The following POLE variants were observed in gnomAD, a reference collection of about 807,000 sequenced individuals.
The protein encoded by POLE is DNA polymerase epsilon, catalytic subunit, also known as DNA polymerase epsilon catalytic subunit A.
Under a neutral mutation model 279.2 loss-of-function variants are expected in POLE, and 188 were observed. That is an observed-to-expected ratio of 0.67 (90% CI 0.60 to 0.76). The LOEUF (loss-of-function observed/expected upper bound fraction) is 0.76. Among genes scored for constraint, POLE ranks in the 30% least tolerant of loss-of-function variants. The pLI, the probability that POLE is intolerant of heterozygous loss-of-function variation, is 0.00. For synonymous variants in POLE, 1,214 were observed against 1,172.5 expected (o/e 1.04, Z -0.72); for missense variants, 2,703 against 3,016.7 (o/e 0.90, Z 2.44).
Position 132,625,415 on chromosome 12 carries a change from TTCC to T in POLE, c.6657+227_6657+229del, listed in dbSNP as rs751014922. 7.9e-4 allele frequency: 602 copies of T among 757,524 alleles called. 1 individual carries two copies. The highest frequency in any genetic ancestry group is 1.3e-3 in the Non-Finnish European group (545 of 414,558). The allele number at this position is 757,524 out of a possible 1,614,324, so 46.9% of individuals were successfully genotyped here. On this transcript the variant is annotated intron_variant, in intron 47 of 48. Coordinates refer to ENST00000320574, the MANE Select transcript of POLE (RefSeq NM_006231.4). ...TTCACACTTGGGAGTGTCTGCCTCC[TTCC>T]GCTAGAACGAAGCACCCACAAGGCC...
chr12:132,637,907 C>T (rs1050584786), intron 41 of POLE, 107 bp downstream of exon 41: 38 of 1,329,000 alleles, frequency 2.9e-5, no homozygotes, highest in Non-Finnish European at 4.0e-5. Flanking sequence ...TCCTGCACTT[C>T]TAACGACCTC....
Position 132,642,630 on chromosome 12 carries a change from G to T in POLE, c.4828C>A (p.Pro1610Thr), listed in dbSNP as rs746333644. 5.0e-6 allele frequency: 8 copies of T among 1,613,276 alleles called. No individual in the cohort carries two copies. The highest frequency in any genetic ancestry group is 5.9e-6 in the Non-Finnish European group (7 of 1,180,012). Reference protein sequence around the residue: ...IPVLEEFPLVPICVADKINYG... With the variant: ...IPVLEEFPLVTICVADKINYG... ...TTGATCTTGTCAGCCACACAGATAG[G>T]CACCAGTGGGAATTCCTCCAAGACA... is the stretch of plus-strand genomic sequence containing the variant. Residue 1610 changes from proline to threonine, a missense_variant, in exon 37 of 49, where the codon CCT (proline) becomes ACT (threonine). Physicochemically the swap from Pro to Thr is conservative, Grantham distance 38. Coordinates refer to ENST00000320574, the MANE Select transcript of POLE (RefSeq NM_006231.4).
intron 1 of POLE, among the ~76,000 whole-genome samples, chr12:132,685,079 CATT>C (rs2043230937): frequency 1.1e-5 from 1 of 90,950 alleles, no homozygotes; most frequent in African/African-American, 3.6e-5. Flanking sequence ...ACAGAGCTAC[CATT>C]GACTGGTTAC....
chr12:132,669,194 G>C (rs561597913), intron 16 of POLE, among the ~76,000 whole-genome samples: 2 of 152,314 alleles, frequency 1.3e-5, no homozygotes, highest in Non-Finnish European at 2.9e-5. Context: ...GCCAGGTGCA[G>C]TGGTTCATGC....
In POLE at chr12:132,639,725, G is replaced by T. The variant is rs1480264288; in HGVS notation, c.5379-427C>A. Among the ~76,000 whole-genome samples the T allele has an allele frequency of 1.3e-5, 2 of 151,020 alleles. No individual in the cohort carries two copies. Among genetic ancestry groups the T allele is most frequent in the Admixed American group, 1.3e-4 (2 of 15,230 alleles). Reference sequence around the variant, plus strand: ...CCACCACTTTGGGAGGCCGAGGCAGGTGGATCACCTGAGGTCAAGAGTTTG... The same window carrying T: ...CCACCACTTTGGGAGGCCGAGGCAGTTGGATCACCTGAGGTCAAGAGTTTG... On this transcript the variant is annotated intron_variant, in intron 39 of 48. Transcript: ENST00000320574. This position sits in a 1 kb window ranked among gnomAD's most constrained non-coding sequence, Gnocchi z 4.7.
chr12:132,643,958 C>A lies in POLE; in HGVS notation c.4169G>T (p.Arg1390Leu), dbSNP rs200776293. The change falls in exon 33 of 49, where the codon CGC becomes CTC. Residue 1390 changes from arginine to leucine, a missense_variant. Physicochemically the swap from Arg to Leu is moderately radical, Grantham distance 102. Around this residue, in one of 5 missense-constraint regions of POLE, gnomAD observed 1,551 missense variants for 1,686.1 expected, o/e 0.92. Coordinates refer to ENST00000320574, the MANE Select transcript of POLE (RefSeq NM_006231.4). The part of the protein sequence containing the change: ...SYRKVNRVLP[R>L]SNMVYNLYEY... ...ATAGAGATTGTAGACCATGTTGGAGCGAGGAAGGACCCGATTTACCTGGCG... is the reference window on the plus strand; with the variant it reads ...ATAGAGATTGTAGACCATGTTGGAGAGAGGAAGGACCCGATTTACCTGGCG... 2 of 1,613,226 alleles carry A rather than the reference C, an allele frequency of 1.2e-6. No homozygotes were observed. The highest frequency in any genetic ancestry group is 2.2e-5 in the South Asian group (2 of 91,002).
At position 132,673,226 on chromosome 12, in the gene POLE, T is replaced by C. The variant is rs749021187; in HGVS notation, c.1411A>G (p.Met471Val). 20 of 1,613,822 alleles carry C rather than the reference T, an allele frequency of 1.2e-5. No individual in the cohort carries two copies. Among genetic ancestry groups the C allele is most frequent in the African/African-American group, 9.3e-5 (7 of 74,924 alleles). Residue 471 changes from methionine to valine, a missense_variant, in exon 14 of 49, where the codon ATG becomes GTG. Met to Val is a conservative substitution (Grantham distance 21). Coordinates refer to ENST00000320574, the MANE Select transcript of POLE (RefSeq NM_006231.4). ...AAGATGAATGGGTGGACGTACTTCA[T>C]GTACAGGTAGTAAGTGGCGACAGCA... Reference protein sequence around the residue: ...SDAVATYYLYMKYVHPFIFAL... With the variant: ...SDAVATYYLYVKYVHPFIFAL...
rs754127082 is a variant in POLE at position 132,659,280 on chromosome 12, G to T, written c.3275+15C>A. The T allele has an allele frequency of 3.1e-6, 5 of 1,609,198 alleles. No individual in the cohort carries two copies. The highest frequency in any genetic ancestry group is 4.5e-5 in the East Asian group (2 of 44,814). ...GGAGGAGCCCTCACCTCTCCGTGAT[G>T]GGGGGAGCCCTCACCTCTCCGTGAC... On this transcript the variant is annotated intron_variant, in intron 26 of 48. Transcript: ENST00000320574.
At position 132,672,629 on chromosome 12, in the gene POLE, T is replaced by C. The variant is rs990959129; in HGVS notation, c.1684A>G (p.Met562Val). ...FRSDIPCRFRMNPAAFDFLLQ... is the reference protein window; with the variant it reads ...FRSDIPCRFRVNPAAFDFLLQ... Reference sequence around the variant, plus strand: ...TGAATCCCAGGGAAGAAGCACACCATCCTAAACCGGCAAGGGATATCGCTG... The same window carrying C: ...TGAATCCCAGGGAAGAAGCACACCACCCTAAACCGGCAAGGGATATCGCTG... Residue 562 changes from methionine to valine, a missense_variant and splice_region_variant, in exon 15 of 49, where the codon ATG (methionine) becomes GTG (valine). Met to Val is a conservative substitution (Grantham distance 21). Coordinates refer to ENST00000320574, the MANE Select transcript of POLE (RefSeq NM_006231.4). 1.9e-6 allele frequency: 3 copies of C among 1,613,650 alleles called. No homozygotes were observed. The highest frequency in any genetic ancestry group is 1.1e-5 in the South Asian group (1 of 91,082).
At position 132,675,359 on chromosome 12, in the gene POLE, G is replaced by A. The variant is rs142657780; in HGVS notation, c.1226+39C>T. ...CAAGAGGCCTTCAGATCTCGCTCACGGACAGCAGTGAGGAGCCATGCTGCT... is the reference window on the plus strand; with the variant it reads ...CAAGAGGCCTTCAGATCTCGCTCACAGACAGCAGTGAGGAGCCATGCTGCT... On this transcript the variant is annotated intron_variant, in intron 12 of 48. Transcript: ENST00000320574. The surrounding 1 kb of genome is among the most constrained non-coding windows in gnomAD (Gnocchi z 4.3). 28 of 1,606,076 alleles carry A rather than the reference G, an allele frequency of 1.7e-5. No individual in the cohort carries two copies. The East Asian group carries it at 2.5e-4, about 14-fold the overall frequency.
chr12:132,673,551 G>A (rs765030963), intron 13 of POLE, 24 bp downstream of exon 13: 2 of 1,595,674 alleles, frequency 1.3e-6, no homozygotes, highest in Admixed American at 1.7e-5. Context: ...GGCAGCAGGG[G>A]CAGCCGGGAT....
In POLE at chr12:132,675,962, G is replaced by C; in HGVS notation, c.1020+132C>G. 1 of 938,864 alleles carries C rather than the reference G, an allele frequency of 1.1e-6. No homozygotes were observed. Among genetic ancestry groups the C allele is most frequent in the Admixed American group, 2.1e-5 (1 of 48,202 alleles). The allele number at this position is 938,864 out of a possible 1,614,324, so 58.2% of individuals were successfully genotyped here. ...CCCTCCGCCCGTCTCTGGCAGAAAA[G>C]ACGGTCATACCCTGAGAACAAAGCT... On this transcript the variant is annotated intron_variant, in intron 10 of 48. Coordinates refer to ENST00000320574, the MANE Select transcript of POLE (RefSeq NM_006231.4). The surrounding 1 kb of genome is among the most constrained non-coding windows in gnomAD (Gnocchi z 4.3).
intron 8 of POLE, among the ~76,000 whole-genome samples, chr12:132,677,030 A>G (rs1439183760): frequency 1.3e-5 from 2 of 152,210 alleles, no homozygotes; most frequent in Non-Finnish European, 2.9e-5. Context: ...CCAACACCAC[A>G]AAGTCATGTT....
In POLE at chr12:132,641,606, A is replaced by C. The variant is rs749685125; in HGVS notation, c.5378+41T>G. 8 of 1,543,516 alleles carry C rather than the reference A, an allele frequency of 5.2e-6. No homozygotes were observed. The South Asian group carries it at 7.9e-5, about 15-fold the overall frequency. The stretch of plus-strand genomic sequence containing the variant: ...TTCCAAATTAAGGGCAAAGGATAAG[A>C]CCCTTCTATTAGTAACACTCCTTCC... On this transcript the variant is annotated intron_variant, in intron 39 of 48. Transcript: ENST00000320574.
Position 132,661,503 on chromosome 12 carries a change from G to T in POLE, c.2864+24C>A. On this transcript the variant is annotated intron_variant, in intron 24 of 48. Coordinates refer to ENST00000320574, the MANE Select transcript of POLE (RefSeq NM_006231.4). The surrounding 1 kb of genome is among the most constrained non-coding windows in gnomAD (Gnocchi z 4.1). The stretch of plus-strand genomic sequence containing the variant: ...TATCTCAATCCATGTCCTTTCTAAA[G>T]CACAAAAGCTATGAGAGTCCCACCT... 6.2e-7 allele frequency: 1 copy of T among 1,612,158 alleles called. No homozygotes were observed. Among genetic ancestry groups the T allele is most frequent in the Non-Finnish European group, 8.5e-7 (1 of 1,178,702 alleles).
chr12:132,674,972 G>A (rs555411743), intron 12 of POLE, among the ~76,000 whole-genome samples: 10 of 151,224 alleles, frequency 6.6e-5, no homozygotes, highest in African/African-American at 1.2e-4. Context: ...CAGAGCCCCC[G>A]AACGCCGTGA....
At chr12:132,659,219 CTCCGTGACGGAGGGAGCCCTCACCTG>C in intron 26 of POLE, 50 bp downstream of exon 26, 2 of 1,459,878 alleles carry the variant, frequency 1.4e-6, no homozygotes, top group Non-Finnish European at 1.9e-6. Flanking sequence ...GCCCTCACCT[CTCCGTGACGGAGGGAGCCCTCACCTG>C]TCCGTGATGG....
chr12:132,681,187 C>T lies in POLE; in HGVS notation c.155G>A (p.Arg52Gln), dbSNP rs372459649. 70 of 1,614,134 alleles carry T rather than the reference C, an allele frequency of 4.3e-5. No individual in the cohort carries two copies. The Admixed American group carries it at 7.2e-4, about 17-fold the overall frequency. ...DKMDLRFGFERLKEPGEKTGW... is the reference protein window; with the variant it reads ...DKMDLRFGFEQLKEPGEKTGW... ...TGTCTTCTCACCAGGCTCCTTCAGCCGCTCAAAACCAAACCGCAAATCCAT... is the reference window on the plus strand; with the variant it reads ...TGTCTTCTCACCAGGCTCCTTCAGCTGCTCAAAACCAAACCGCAAATCCAT... The change falls in exon 2 of 49, where the codon CGG becomes CAG. Residue 52 changes from arginine to glutamine, a missense_variant. By Grantham distance (43) the Arg-to-Gln change is conservative (BLOSUM62 1). Coordinates refer to ENST00000320574, the MANE Select transcript of POLE (RefSeq NM_006231.4).
intron 8 of POLE, 88 bp from the exon 9 acceptor site, chr12:132,676,741 T>A: frequency 1.3e-6 from 1 of 794,928 alleles, no homozygotes; most frequent in Non-Finnish European, 2.2e-6. Context: ...TCTACCTCCC[T>A]CTGGTTGTTA....
Sources: allele counts gnomAD v4.1 joint callset (sites outside exome capture counted in the v4.1 genomes callset), GRCh38; gene constraint gnomAD v4.1.1; regional missense constraint gnomAD v4.1.1; non-coding constraint Gnocchi (gnomAD v3.1); transcripts MANE v1.5; gene names NCBI Gene and HGNC (gene_info 2026-07-23, HGNC 2026-07-21).